The following CSMD2 variants were observed in gnomAD, a reference collection of about 807,000 sequenced individuals.
CSMD2 encodes the protein CUB and sushi domain-containing protein 2.
In CSMD2, 130 loss-of-function variants were observed where a neutral mutation model predicts 398.5. The ratio of observed to expected loss-of-function variants is 0.33; its 90% CI spans 0.28 to 0.38. The LOEUF is 0.38. CSMD2 is among the 10% of genes least tolerant of loss of function. The pLI, the probability that CSMD2 is intolerant of heterozygous loss-of-function variation, is 1.00. For synonymous variants in CSMD2, 1,828 were observed against 1,908.5 expected, an observed-to-expected ratio of 0.96 and a Z score of 1.10; for missense variants, 3,829 against 4,764.9, an observed-to-expected ratio of 0.80 and a Z score of 5.78.
chr1:33,514,331 A>G lies in CSMD2; in HGVS notation c.*2293T>C, dbSNP rs1484427466. The G allele has an allele frequency of 6.7e-6, 1 of 148,292 alleles. No homozygotes were observed. Among genetic ancestry groups the G allele is most frequent in the Admixed American group, 6.7e-5 (1 of 14,840 alleles). 9.2% of individuals were successfully genotyped at this position (148,292 alleles called of 1,614,324 possible). A position where few individuals can be genotyped will look rare whatever the true frequency, so the allele number is the denominator to read the frequency against. ...TACAAACTTTGTATAATAAAAATAT[A>G]TCTCTGTACAAAAGATTTTTTTTGT... is the stretch of plus-strand genomic sequence containing the variant. On this transcript the variant is annotated 3_prime_UTR_variant, in exon 71 of 71. Transcript: ENST00000373381.
chr1:33,937,633 A>G (rs1191403035), intron 3 of CSMD2, among the ~76,000 whole-genome samples: 3 of 152,186 alleles, frequency 2.0e-5, no homozygotes, highest in Non-Finnish European at 4.4e-5. Flanking sequence ...CTCCTCTGAG[A>G]GGAAACAGCT....
At chr1:33,594,074 A>G (rs1375760779) in intron 44 of CSMD2, among the ~76,000 whole-genome samples, 1 of 152,148 alleles carries the variant, frequency 6.6e-6, no homozygotes, top group Non-Finnish European at 1.5e-5. Context: ...TCTTTTAAGA[A>G]TTATTGTATT....
intron 52 of CSMD2, among the ~76,000 whole-genome samples, chr1:33,569,028 T>G (rs539428120): frequency 9.7e-4 from 148 of 152,324 alleles, no homozygotes; most frequent in African/African-American, 3.2e-3. Flanking sequence ...AAAAGGTATT[T>G]TAGGTGTGTT....
chr1:33,914,633 C>CTT lies in CSMD2; in HGVS notation c.920+3459_920+3460dup, dbSNP rs544300880. Among the ~76,000 whole-genome samples, 288 of 152,238 alleles carry CTT rather than the reference C, an allele frequency of 1.9e-3. 2 individuals carry two copies. The highest frequency in any genetic ancestry group is 3.1e-3 in the Admixed American group (47 of 15,292). ...GGTTCAGTGCTCACCACAGTAACAGCTTTTTCCTGTTCAAAACATGTATTG... is the reference window on the plus strand; with the variant it reads ...GGTTCAGTGCTCACCACAGTAACAGCTTTTTTTCCTGTTCAAAACATGTATTG... On this transcript the variant is annotated intron_variant, in intron 5 of 70. Coordinates refer to ENST00000373381, the MANE Select transcript of CSMD2 (RefSeq NM_001281956.2).
intron 3 of CSMD2, among the ~76,000 whole-genome samples, chr1:34,004,048 G>C (rs921607003): frequency 1.3e-5 from 2 of 152,138 alleles, no homozygotes; most frequent in Non-Finnish European, 2.9e-5. Context: ...CCCTTAGTCC[G>C]CTGGGATTTC....
chr1:34,001,065 AAAG>A (rs140278378), intron 3 of CSMD2, among the ~76,000 whole-genome samples: 36,618 of 151,386 alleles, frequency 0.24, 5,213 homozygotes, highest in Non-Finnish European at 0.32. Context: ...GAGGGAGAGA[AAAG>A]AGGAGGAAAA....
intron 1 of CSMD2, among the ~76,000 whole-genome samples, chr1:34,108,991 G>A (rs1235404930): frequency 6.6e-6 from 1 of 152,182 alleles, no homozygotes; most frequent in East Asian, 1.9e-4. Context: ...GCATCAAGGA[G>A]GGCATGACAT....
chr1:33,749,141 A>C (rs2149268519), intron 13 of CSMD2, among the ~76,000 whole-genome samples: 1 of 118,822 alleles, frequency 8.4e-6, no homozygotes, highest in African/African-American at 3.4e-5. Flanking sequence ...GCTGTCACCC[A>C]GGCTGGAGTG....
chr1:33,623,605 T>A, intron 35 of CSMD2, 139 bp from the exon 36 acceptor site: 1 of 629,772 alleles, frequency 1.6e-6, no homozygotes. Flanking sequence ...CTAGTCCCTT[T>A]CAATAAAAGT....
rs1165385039 is a variant in CSMD2, at chr1:33,540,577, C to T, written c.9579G>A (p.Val3193=). The T allele has an allele frequency of 3.7e-6, 6 of 1,614,218 alleles. No homozygotes were observed. In the South Asian group the frequency reaches 4.4e-5, roughly 12 times the overall value. The stretch of plus-strand genomic sequence containing the variant: ...AGGACCCATTTCCCTCACAGGTGAA[C>T]ACCGCGGGCAGGGAGAGCTGGTACC... ...LEGYQLSLPA[V]FTCEGNGSWT... The change falls in exon 60 of 71, where the codon GTG becomes GTA. Residue 3193 remains valine, a synonymous_variant. Transcript: ENST00000373381.
chr1:33,570,822 T>C (rs1659528744), intron 51 of CSMD2, among the ~76,000 whole-genome samples: 1 of 152,132 alleles, frequency 6.6e-6, no homozygotes, highest in African/African-American at 2.4e-5. Flanking sequence ...TTGCTCCAAC[T>C]TGTGACAATT....
chr1:33,604,311 C>T (rs928955896), intron 42 of CSMD2, among the ~76,000 whole-genome samples: 3 of 152,206 alleles, frequency 2.0e-5, no homozygotes, highest in African/African-American at 7.2e-5. Context: ...GAAAAACTAA[C>T]TGAGGCTATA....
rs760992131 is a variant in CSMD2, at chr1:33,550,281, G to T, written c.8813C>A (p.Ala2938Glu). 1.2e-6 allele frequency: 2 copies of T among 1,614,214 alleles called. No individual in the cohort carries two copies. The highest frequency in any genetic ancestry group is 1.1e-5 in the South Asian group (1 of 91,088). Reference protein sequence around the residue: ...QMSGDSYTVGAVVRYSCIGKR... With the variant: ...QMSGDSYTVGEVVRYSCIGKR... ...GCCGATGCAGCTGTACCGCACCACT[G>T]CTCCCACAGTATAACTGTCTCCAGA... The change falls in exon 56 of 71, where the codon GCA becomes GAA. Residue 2938 changes from alanine to glutamate, a missense_variant. Ala to Glu is a moderately radical substitution (Grantham distance 107). Coordinates refer to ENST00000373381, the MANE Select transcript of CSMD2 (RefSeq NM_001281956.2).
At chr1:33,833,879 A>T (rs1189408522) in intron 6 of CSMD2, among the ~76,000 whole-genome samples, 34 of 151,492 alleles carry the variant, frequency 2.2e-4, no homozygotes, top group African/African-American at 7.8e-4. Context: ...GAGCCAAATC[A>T]TGAGTGAACT....
chr1:33,546,003 C>T (rs1288755151), intron 57 of CSMD2, 34 bp downstream of exon 57: 1 of 1,580,730 alleles, frequency 6.3e-7, no homozygotes, highest in Non-Finnish European at 8.6e-7. Context: ...TGGGGCTGGG[C>T]AAAGGGGAGA....
At chr1:33,601,138 C>T in intron 43 of CSMD2, 128 bp from the exon 44 acceptor site, 2 of 1,211,984 alleles carry the variant, frequency 1.7e-6, no homozygotes, top group Non-Finnish European at 2.3e-6. Context: ...CCAACACTTC[C>T]CCACACCATG....
At chr1:33,849,244 T>A (rs958901727) in intron 5 of CSMD2, among the ~76,000 whole-genome samples, 1 of 151,916 alleles carries the variant, frequency 6.6e-6, no homozygotes, top group East Asian at 1.9e-4. Context: ...TATCAAAGAA[T>A]TGGGGGCTTA....
intron 3 of CSMD2, among the ~76,000 whole-genome samples, chr1:33,945,437 G>C (rs965782168): frequency 1.3e-5 from 2 of 152,052 alleles, no homozygotes; most frequent in Non-Finnish European, 2.9e-5. Context: ...AAAAAGTTGG[G>C]GCCATTTCTC....
At chr1:34,003,657 T>A (rs1646969833) in intron 3 of CSMD2, among the ~76,000 whole-genome samples, 1 of 152,166 alleles carries the variant, frequency 6.6e-6, no homozygotes. Flanking sequence ...CTGTTTTGCT[T>A]CTTCTCATAT....
Sources: allele counts gnomAD v4.1 joint callset (sites outside exome capture counted in the v4.1 genomes callset), GRCh38; gene constraint gnomAD v4.1.1; transcripts MANE v1.5; gene names NCBI Gene and HGNC (gene_info 2026-07-23, HGNC 2026-07-21).